Variants in PTPRG observed in about 807,000 individuals in gnomAD.
The protein encoded by PTPRG is protein tyrosine phosphatase receptor type G, also known as receptor-type tyrosine-protein phosphatase gamma.
PTPRG carries 102 observed loss-of-function variants against 165.3 expected under a neutral mutation model. The ratio of observed to expected loss-of-function variants is 0.62; its 90% CI spans 0.53 to 0.73. PTPRG has a LOEUF of 0.73. PTPRG is among the 30% of genes least tolerant of loss of function. PTPRG has a pLI of 0.00. For synonymous variants in PTPRG, 675 were observed against 669.5 expected, an observed-to-expected ratio of 1.01 and a Z score of -0.13; for missense variants, 1,866 against 1,861.4, an observed-to-expected ratio of 1.00 and a Z score of -0.05.
At chr3:61,940,248 G>A (rs1390453564) in intron 2 of PTPRG, among the ~76,000 whole-genome samples, 3 of 152,026 alleles carry the variant, frequency 2.0e-5, no homozygotes, top group Non-Finnish European at 4.4e-5. Flanking sequence ...CCGTGCCCAG[G>A]CACTGACTTG....
rs1372282492 is a variant in PTPRG at position 61,621,041 on chromosome 3, A to G, written c.85+58669A>G. The stretch of plus-strand genomic sequence containing the variant: ...TGCCCCAGTGTGTGTGTGTATATAT[A>G]TATATATATATGTGTGTGTGTGTGT... On this transcript the variant is annotated intron_variant, in intron 1 of 29. Transcript: ENST00000474889. Among the ~76,000 whole-genome samples, 67 of 91,590 alleles carry G rather than the reference A, an allele frequency of 7.3e-4. 5 individuals are homozygous for G. In the South Asian group the frequency reaches 0.023, roughly 32 times the overall value. The allele number at this position is 91,590 out of a possible 152,430, so 60.1% of individuals were successfully genotyped here.
At chr3:61,727,520 A>T (rs2032317284) in intron 1 of PTPRG, among the ~76,000 whole-genome samples, 1 of 152,246 alleles carries the variant, frequency 6.6e-6, no homozygotes, top group Admixed American at 6.5e-5. Context: ...CAAATCATTA[A>T]TAAGGCAAAC....
intron 2 of PTPRG, among the ~76,000 whole-genome samples, chr3:61,909,026 G>A (rs11919255): frequency 0.13 from 19,433 of 152,206 alleles, 2,240 homozygotes; most frequent in African/African-American, 0.31. Context: ...TTTGCAAAGA[G>A]TAGGAATGAA....
chr3:61,891,848 C>T (rs2038222921), intron 2 of PTPRG, among the ~76,000 whole-genome samples: 2 of 151,102 alleles, frequency 1.3e-5, no homozygotes, highest in Admixed American at 1.3e-4. Context: ...TGTGTTGTTC[C>T]TTGTGGAAAT....
At position 62,255,192 on chromosome 3, in the gene PTPRG, C is replaced by T. The variant is rs556748617; in HGVS notation, c.2536C>T (p.His846Tyr). 1.8e-5 allele frequency: 29 copies of T among 1,612,626 alleles called. No homozygotes were observed. The East Asian group carries it at 6.0e-4, about 34-fold the overall frequency. Residue 846 changes from histidine to tyrosine, a missense_variant, in exon 16 of 30, where the codon CAT becomes TAT. Around this residue, in one of 3 missense-constraint regions of PTPRG, gnomAD observed 1,452 missense variants for 1,463.0 expected, o/e 0.99. Coordinates refer to ENST00000474889, the MANE Select transcript of PTPRG (RefSeq NM_002841.4). The surrounding 1 kb of genome is among the most constrained non-coding windows in gnomAD (Gnocchi z 4.0). ...HIGELYSNNQ[H>Y]GFSEDFEEVQ... is the part of the protein sequence containing the mutation. ...CGGTGAGCTCTATTCTAATAACCAG[C>T]ATGGGTTCTCTGAGGATTTTGAGGT...
At chr3:61,700,613 G>A (rs1013211197) in intron 1 of PTPRG, among the ~76,000 whole-genome samples, 1 of 152,146 alleles carries the variant, frequency 6.6e-6, no homozygotes, top group Admixed American at 6.5e-5. Context: ...GTATGTATTT[G>A]GAAGATGGTG....
At chr3:61,896,783 CATT>C (rs2038363355) in intron 2 of PTPRG, among the ~76,000 whole-genome samples, 1 of 152,052 alleles carries the variant, frequency 6.6e-6, no homozygotes, top group Admixed American at 6.6e-5. Context: ...AGTGATATCT[CATT>C]GTAGTTTGAA....
chr3:62,029,050 A>G (rs1310060123), intron 4 of PTPRG, among the ~76,000 whole-genome samples: 1 of 152,202 alleles, frequency 6.6e-6, no homozygotes, highest in Non-Finnish European at 1.5e-5. Context: ...CATGGCAGAC[A>G]TGGGCCTATA....
At chr3:61,607,473 G>GT (rs1553640352) in intron 1 of PTPRG, among the ~76,000 whole-genome samples, 1 of 116,674 alleles carries the variant, frequency 8.6e-6, no homozygotes, top group African/African-American at 3.8e-5. Context: ...GTCTGAGACT[G>GT]CTCAGCCACA....
At chr3:61,672,589 G>T (rs960715430) in intron 1 of PTPRG, among the ~76,000 whole-genome samples, 1 of 55,902 alleles carries the variant, frequency 1.8e-5, no homozygotes, top group East Asian at 1.1e-3. Flanking sequence ...GCATGGCGGC[G>T]CCGCCTGCAA....
chr3:61,593,608 G>T (rs1700627226), intron 1 of PTPRG, among the ~76,000 whole-genome samples: 1 of 151,334 alleles, frequency 6.6e-6, no homozygotes. Context: ...ATAATCAGTT[G>T]CATTTACTTA....
chr3:62,024,312 A>G (rs1433900217), intron 4 of PTPRG, among the ~76,000 whole-genome samples: 1 of 152,178 alleles, frequency 6.6e-6, no homozygotes, highest in Admixed American at 6.6e-5. Context: ...TTATCAAGAT[A>G]CTTTTACAGA....
chr3:62,166,056 G>T (rs1014834329), intron 7 of PTPRG, among the ~76,000 whole-genome samples: 2 of 152,088 alleles, frequency 1.3e-5, no homozygotes, highest in East Asian at 3.9e-4. Context: ...AGCACCATTC[G>T]ACCATTTCTC....
chr3:61,732,015 G>T (rs2032522009), intron 1 of PTPRG, among the ~76,000 whole-genome samples: 1 of 151,790 alleles, frequency 6.6e-6, no homozygotes, highest in South Asian at 2.1e-4. Context: ...TGTTGGCCAG[G>T]CTGGTCTTGA....
At chr3:61,894,210 A>C (rs572467935) in intron 2 of PTPRG, among the ~76,000 whole-genome samples, 104 of 146,510 alleles carry the variant, frequency 7.1e-4, no homozygotes, top group African/African-American at 2.5e-3. Context: ...GCTGAGGCGA[A>C]AGAATTGCTT....
intron 2 of PTPRG, among the ~76,000 whole-genome samples, chr3:61,927,940 G>A (rs552390377): frequency 6.6e-6 from 1 of 152,202 alleles, no homozygotes; most frequent in Admixed American, 6.5e-5. Flanking sequence ...AAGAGGGATG[G>A]GGCAGGAAGG....
intron 2 of PTPRG, among the ~76,000 whole-genome samples, chr3:61,778,450 C>G (rs1378949005): frequency 2.0e-5 from 3 of 152,054 alleles, no homozygotes; most frequent in African/African-American, 7.2e-5. Flanking sequence ...TTTCCATCTG[C>G]TATGCAGAAA....
intron 4 of PTPRG, among the ~76,000 whole-genome samples, chr3:62,051,333 C>T (rs1700462296): frequency 1.3e-5 from 2 of 152,212 alleles, no homozygotes; most frequent in South Asian, 4.1e-4. Flanking sequence ...ACTGGATCAG[C>T]ATTTCTGGCA....
intron 9 of PTPRG, among the ~76,000 whole-genome samples, chr3:62,192,575 AT>A (rs567727719): frequency 4.0e-5 from 6 of 150,158 alleles, no homozygotes. Flanking sequence ...TGCCTGGCTA[AT>A]TTTTTTTTGT....
Sources: gnomAD v4.1 joint callset for allele counts (sites outside exome capture counted in the v4.1 genomes callset) on GRCh38, gnomAD v4.1.1 for gene constraint, gnomAD v4.1.1 regional missense constraint, Gnocchi (gnomAD v3.1) non-coding constraint, MANE v1.5 for transcripts, NCBI Gene and HGNC (gene_info 2026-07-23, HGNC 2026-07-21) for gene names.